GRIN3A: variants seen among roughly 807,000 people sequenced by gnomAD.
GRIN3A encodes the protein glutamate receptor ionotropic, NMDA 3A.
In GRIN3A, 47 loss-of-function variants were observed where a neutral mutation model predicts 92.4. The ratio of observed to expected loss-of-function variants is 0.51; its 90% CI spans 0.40 to 0.65. GRIN3A has a LOEUF of 0.65. Ranked by LOEUF, GRIN3A falls within the 30% of genes least tolerant of loss-of-function variation. GRIN3A has a pLI of 0.00. For missense variants in GRIN3A, 1,324 were observed against 1,393.1 expected (o/e 0.95, Z 0.79); for synonymous variants, 527 against 540.6 (o/e 0.97, Z 0.35).
At chr9:101,645,124 A>G (rs1396536584) in intron 3 of GRIN3A, among the ~76,000 whole-genome samples, 1 of 151,800 alleles carries the variant, frequency 6.6e-6, no homozygotes, top group Non-Finnish European at 1.5e-5. Flanking sequence ...GTGTTTCTGT[A>G]CCTATTAAGC....
intron 1 of GRIN3A, among the ~76,000 whole-genome samples, chr9:101,718,184 G>C (rs1267257990): frequency 6.6e-6 from 1 of 152,200 alleles, no homozygotes; most frequent in African/African-American, 2.4e-5. Context: ...ATTGTGTGAG[G>C]AGCACAGGGT....
Position 101,670,107 on chromosome 9 carries a change from C to T in GRIN3A, c.2305G>A (p.Val769Ile), listed in dbSNP as rs1190925199. ...TYTANLAAVM[V>I]GEKIYEELSG... ...AGCTCTTCATAGATCTTCTCACCTA[C>T]CATGACAGCAGCCAAGTTTGCCGTG... The change falls in exon 3 of 9, where the codon GTA (valine) becomes ATA (isoleucine). Residue 769 changes from valine to isoleucine, a missense_variant. By Grantham distance (29) the Val-to-Ile change is conservative (BLOSUM62 3). Coordinates refer to ENST00000361820, the MANE Select transcript of GRIN3A (RefSeq NM_133445.3). 22 of 1,613,690 alleles carry T rather than the reference C, an allele frequency of 1.4e-5. No homozygotes were observed. The highest frequency in any genetic ancestry group is 1.7e-5 in the Non-Finnish European group (20 of 1,179,834).
chr9:101,697,130 G>A (rs978299631), intron 1 of GRIN3A, among the ~76,000 whole-genome samples: 5 of 152,018 alleles, frequency 3.3e-5, no homozygotes, highest in Non-Finnish European at 7.4e-5. Context: ...TGACATTGAC[G>A]AGCTTAACAC....
chr9:101,577,452 T>C (rs1443526051), intron 8 of GRIN3A, among the ~76,000 whole-genome samples: 2 of 152,210 alleles, frequency 1.3e-5, no homozygotes, highest in African/African-American at 4.8e-5. Flanking sequence ...ATCTCTACTT[T>C]ACAAATGAGG....
intron 1 of GRIN3A, among the ~76,000 whole-genome samples, chr9:101,710,198 TGGGTGGGTGGA>T (rs1829861574): frequency 6.6e-6 from 1 of 152,008 alleles, no homozygotes. Context: ...AGGGTAGAGA[TGGGTGGGTGGA>T]AACTGGGGAG....
At chr9:101,613,295 A>G in intron 6 of GRIN3A, 81 bp downstream of exon 6, 2 of 1,401,414 alleles carry the variant, frequency 1.4e-6, no homozygotes, top group Non-Finnish European at 2.0e-6. Context: ...CTAGATGATG[A>G]GGCACAAGTA....
At chr9:101,658,666 T>A (rs1336018559) in intron 3 of GRIN3A, among the ~76,000 whole-genome samples, 1 of 151,934 alleles carries the variant, frequency 6.6e-6, no homozygotes, top group African/African-American at 2.4e-5. Context: ...GTTTGAAAAA[T>A]ATTAATAGAT....
At chr9:101,626,856 T>C (rs181030951) in intron 4 of GRIN3A, among the ~76,000 whole-genome samples, 68 of 152,318 alleles carry the variant, frequency 4.5e-4, no homozygotes, top group African/African-American at 1.6e-3. Context: ...CCAAGGAAAA[T>C]TGACTTGTCT....
At chr9:101,607,257 G>A (rs377456741) in intron 6 of GRIN3A, among the ~76,000 whole-genome samples, 1 of 152,006 alleles carries the variant, frequency 6.6e-6, no homozygotes, top group Non-Finnish European at 1.5e-5. Context: ...TCTCACATTG[G>A]GCCAAGTATT....
chr9:101,702,750 T>C (rs1419859634), intron 1 of GRIN3A, among the ~76,000 whole-genome samples: 3 of 152,162 alleles, frequency 2.0e-5, no homozygotes, highest in Non-Finnish European at 2.9e-5. Context: ...TCCAGACAAA[T>C]GTATTACTTT....
chr9:101,605,922 G>T (rs868691853), intron 6 of GRIN3A, among the ~76,000 whole-genome samples: 11 of 152,172 alleles, frequency 7.2e-5, no homozygotes, highest in African/African-American at 2.2e-4. Flanking sequence ...AGAAAATCTT[G>T]TAACAATCAA....
chr9:101,670,717 A>G lies in GRIN3A; in HGVS notation c.1695T>C (p.Asn565=). 6.2e-7 allele frequency: 1 copy of G among 1,614,086 alleles called. No individual in the cohort carries two copies. The highest frequency in any genetic ancestry group is 8.5e-7 in the Non-Finnish European group (1 of 1,179,988). Residue 565 remains asparagine (N), a synonymous_variant, in exon 3 of 9, where the codon AAT becomes AAC. Coordinates refer to ENST00000361820, the MANE Select transcript of GRIN3A (RefSeq NM_133445.3). The stretch of plus-strand genomic sequence containing the variant: ...TCTTGAATTTAATGGGCACTGTATC[A>G]TTACTGCTATGGAGGCTGCTAAAAA... ...DSLFSSLHSS[N]DTVPIKFKKC...
intron 1 of GRIN3A, among the ~76,000 whole-genome samples, chr9:101,704,283 A>G (rs765429710): frequency 6.6e-6 from 1 of 152,176 alleles, no homozygotes; most frequent in African/African-American, 2.4e-5. Flanking sequence ...CCATGTCTTC[A>G]TGTCATGTTA....
At chr9:101,623,142 AG>A (rs2118869259) in intron 5 of GRIN3A, among the ~76,000 whole-genome samples, 175 bp downstream of exon 5, 1 of 152,354 alleles carries the variant, frequency 6.6e-6, no homozygotes, top group South Asian at 2.1e-4. Flanking sequence ...TTTGTTGAAT[AG>A]GTGAAAAATA....
At chr9:101,736,443 T>C (rs777609252) in intron 1 of GRIN3A, among the ~76,000 whole-genome samples, 29 of 150,312 alleles carry the variant, frequency 1.9e-4, no homozygotes, top group Non-Finnish European at 3.2e-4. Flanking sequence ...AGCTCTTTCA[T>C]TGAAAATATG....
At chr9:101,573,557 T>C (rs1305619302) in intron 8 of GRIN3A, 44 bp from the exon 9 acceptor site, 1 of 1,455,490 alleles carries the variant, frequency 6.9e-7, no homozygotes, top group Non-Finnish European at 9.6e-7. Flanking sequence ...ATTCTGCAGC[T>C]CTCAAGGTGC....
At chr9:101,723,467 G>A (rs1830040296) in intron 1 of GRIN3A, among the ~76,000 whole-genome samples, 3 of 152,190 alleles carry the variant, frequency 2.0e-5, no homozygotes, top group Admixed American at 1.3e-4. Flanking sequence ...CAAAGAGTGA[G>A]CAGTAGCAAG....
chr9:101,736,160 A>G (rs187328850), intron 1 of GRIN3A, among the ~76,000 whole-genome samples: 1 of 152,156 alleles, frequency 6.6e-6, no homozygotes, highest in Non-Finnish European at 1.5e-5. Flanking sequence ...AATGATGTAG[A>G]GTCAGAAATC....
chr9:101,663,307 C>T (rs1038678202), intron 3 of GRIN3A, among the ~76,000 whole-genome samples: 1 of 151,880 alleles, frequency 6.6e-6, no homozygotes, highest in Non-Finnish European at 1.5e-5. Context: ...CAATCATTGA[C>T]TAATTTATGT....
Sources: allele counts gnomAD v4.1 joint callset (sites outside exome capture counted in the v4.1 genomes callset), GRCh38; gene constraint gnomAD v4.1.1; transcripts MANE v1.5; gene names NCBI Gene and HGNC (gene_info 2026-07-23, HGNC 2026-07-21).